Variants in LDLRAD3 observed in about 807,000 individuals in gnomAD.
The protein encoded by LDLRAD3 is low density lipoprotein receptor class A domain containing 3, also known as low-density lipoprotein receptor class A domain-containing protein 3.
In LDLRAD3, 20 loss-of-function variants were observed where a neutral mutation model predicts 29.4. The observed-to-expected ratio is 0.68, with a 90% CI of 0.48 to 0.99. LDLRAD3 has a LOEUF of 0.99. Ranked by LOEUF, LDLRAD3 falls within the 50% of genes least tolerant of loss-of-function variation. The pLI, the probability that LDLRAD3 is intolerant of heterozygous loss-of-function variation, is 0.00. For synonymous variants in LDLRAD3, 157 were observed against 192.7 expected (o/e 0.81, Z 1.53); for missense variants, 420 against 454.3 (o/e 0.92, Z 0.69).
chr11:36,165,420 C>T (rs1328218322), intron 4 of LDLRAD3, among the ~76,000 whole-genome samples: 2 of 151,802 alleles, frequency 1.3e-5, no homozygotes, highest in Admixed American at 6.6e-5. Context: ...GGTATGAACA[C>T]CTTTAGGGCC....
At chr11:35,963,433 G>GTT (rs375997319) in intron 1 of LDLRAD3, among the ~76,000 whole-genome samples, 2,814 of 144,390 alleles carry the variant, frequency 0.019, 45 homozygotes, top group African/African-American at 0.044. Context: ...GTGTGTGTGT[G>GTT]TTTTTTTTTT....
At chr11:36,066,480 C>A (rs1461944644) in intron 2 of LDLRAD3, among the ~76,000 whole-genome samples, 1 of 152,142 alleles carries the variant, frequency 6.6e-6, no homozygotes, top group East Asian at 1.9e-4. Flanking sequence ...ATCTTAGTTT[C>A]CTGCTTATAA....
intron 3 of LDLRAD3, among the ~76,000 whole-genome samples, chr11:36,096,033 A>G (rs760490311): frequency 2.0e-5 from 3 of 151,108 alleles, no homozygotes; most frequent in Middle Eastern, 3.2e-3. Context: ...CAGTTGAGCC[A>G]TTCTCTGGCC....
At position 36,097,237 on chromosome 11, in the gene LDLRAD3, C is replaced by T. The variant is rs146727447; in HGVS notation, c.320-1090C>T. Among the ~76,000 whole-genome samples the T allele has an allele frequency of 2.4e-3, 361 of 152,164 alleles. 2 individuals are homozygous for T. The highest frequency in any genetic ancestry group is 2.6e-3 in the Admixed American group (39 of 15,290). The stretch of plus-strand genomic sequence containing the variant: ...GCTTTTTTGTTTGCAAAGAAGAAAT[C>T]GAGGCTACTAAGTTTACCTTAGTGA... On this transcript the variant is annotated intron_variant, in intron 3 of 5. Coordinates refer to ENST00000315571, the MANE Select transcript of LDLRAD3 (RefSeq NM_174902.4).
At chr11:35,963,044 A>G (rs1338327043) in intron 1 of LDLRAD3, among the ~76,000 whole-genome samples, 1 of 152,240 alleles carries the variant, frequency 6.6e-6, no homozygotes, top group Non-Finnish European at 1.5e-5. Flanking sequence ...TTATATGGTG[A>G]CAGTCAGTCA....
At chr11:35,988,386 T>C (rs1851640729) in intron 1 of LDLRAD3, among the ~76,000 whole-genome samples, 1 of 152,166 alleles carries the variant, frequency 6.6e-6, no homozygotes, top group African/African-American at 2.4e-5. Context: ...GAAGTGGCTG[T>C]TCGTGTCTTT....
intron 4 of LDLRAD3, among the ~76,000 whole-genome samples, chr11:36,157,815 T>C (rs1191907838): frequency 6.6e-6 from 1 of 152,176 alleles, no homozygotes; most frequent in Non-Finnish European, 1.5e-5. Flanking sequence ...TCTTTTTCTC[T>C]CTGAGCCTCT....
At chr11:35,957,621 G>A (rs1176130080) in intron 1 of LDLRAD3, among the ~76,000 whole-genome samples, 3 of 151,904 alleles carry the variant, frequency 2.0e-5, no homozygotes, top group African/African-American at 4.8e-5. Context: ...GCAACATGGC[G>A]AAACCTCGTC....
At chr11:36,171,412 C>A (rs538837603) in intron 4 of LDLRAD3, among the ~76,000 whole-genome samples, 1 of 152,206 alleles carries the variant, frequency 6.6e-6, no homozygotes, top group South Asian at 2.1e-4. Context: ...ATCTTCTAGA[C>A]TTTTTATGGT....
At chr11:35,967,848 T>A in intron 1 of LDLRAD3, 1 of 415,770 alleles carries the variant, frequency 2.4e-6, no homozygotes. Context: ...TTCTGAATGA[T>A]CATATGGTTA....
intron 2 of LDLRAD3, among the ~76,000 whole-genome samples, chr11:36,071,621 G>A (rs1454316811): frequency 6.6e-6 from 1 of 152,198 alleles, no homozygotes; most frequent in Non-Finnish European, 1.5e-5. Flanking sequence ...TTTCAGGATA[G>A]CATATATTTT....
chr11:36,177,448 T>A (rs1854695245), intron 4 of LDLRAD3, among the ~76,000 whole-genome samples: 1 of 152,230 alleles, frequency 6.6e-6, no homozygotes, highest in Non-Finnish European at 1.5e-5. Context: ...GGGTAGACTC[T>A]GTCAGAGGAA....
At chr11:36,189,852 G>A (rs769515113) in intron 4 of LDLRAD3, among the ~76,000 whole-genome samples, 1 of 152,044 alleles carries the variant, frequency 6.6e-6, no homozygotes, top group Admixed American at 6.5e-5. Context: ...TCTTGCGATA[G>A]TTTGCTGAGA....
At position 36,084,340 on chromosome 11, in the gene LDLRAD3, G is replaced by A. The variant is rs576184925; in HGVS notation, c.319+2562G>A. ...ATTTAAAAATAGTGGTTCTGAAGCC[G>A]GGCGAGGTGGGGCACCCGTCTTAAC... On this transcript the variant is annotated intron_variant, in intron 3 of 5. Transcript: ENST00000315571. Among the ~76,000 whole-genome samples, 6 of 152,260 alleles carry A rather than the reference G, an allele frequency of 3.9e-5. No individual in the cohort carries two copies. The South Asian group carries it at 6.2e-4, about 16-fold the overall frequency.
chr11:36,019,642 C>T (rs140043614), intron 1 of LDLRAD3, among the ~76,000 whole-genome samples: 1 of 152,318 alleles, frequency 6.6e-6, no homozygotes, highest in Admixed American at 6.5e-5. Context: ...ACCCTTACCT[C>T]TCCAGTAGTA....
At chr11:36,107,348 A>G (rs1853544302) in intron 4 of LDLRAD3, among the ~76,000 whole-genome samples, 1 of 151,846 alleles carries the variant, frequency 6.6e-6, no homozygotes, top group Admixed American at 6.6e-5. Context: ...GGCGCCCGCT[A>G]CTATGTCTCA....
intron 4 of LDLRAD3, among the ~76,000 whole-genome samples, chr11:36,123,467 G>A (rs1268348235): frequency 2.6e-5 from 4 of 152,286 alleles, no homozygotes; most frequent in Non-Finnish European, 4.4e-5. Flanking sequence ...GTACAAAATC[G>A]CAAGCCCAGC....
At chr11:36,138,232 C>G (rs1854030533) in intron 4 of LDLRAD3, among the ~76,000 whole-genome samples, 2 of 152,214 alleles carry the variant, frequency 1.3e-5, no homozygotes, top group South Asian at 4.1e-4. Context: ...GTGACCATAA[C>G]ATTTCTGAAA....
intron 4 of LDLRAD3, among the ~76,000 whole-genome samples, chr11:36,136,015 A>G (rs1435805314): frequency 6.6e-6 from 1 of 152,224 alleles, no homozygotes; most frequent in African/African-American, 2.4e-5. Flanking sequence ...CATCTCGTGG[A>G]TCAACACTAC....
Sources: gnomAD v4.1 joint callset for allele counts (sites outside exome capture counted in the v4.1 genomes callset) on GRCh38, gnomAD v4.1.1 for gene constraint, MANE v1.5 for transcripts, NCBI Gene and HGNC (gene_info 2026-07-23, HGNC 2026-07-21) for gene names.